ASTN1: variants seen among roughly 807,000 people sequenced by gnomAD.
ASTN1 encodes the protein astrotactin-1.
ASTN1 carries 41 observed loss-of-function variants against 140.7 expected under a neutral mutation model. The observed-to-expected ratio is 0.29, with a 90% CI of 0.23 to 0.38. ASTN1 has a LOEUF of 0.38. Ranked by LOEUF, ASTN1 falls within the 10% of genes least tolerant of loss-of-function variation. The probability of loss-of-function intolerance (pLI) is 1.00; values close to 1 mark genes in which losing one functional copy is unlikely to be tolerated. For synonymous variants in ASTN1, 640 were observed against 652.2 expected (o/e 0.98, Z 0.29); for missense variants, 1,479 against 1,678.8 (o/e 0.88, Z 2.08).
chr1:177,149,695 TAA>T (rs1682939446), intron 1 of ASTN1, among the ~76,000 whole-genome samples: 1 of 68,692 alleles, frequency 1.5e-5, no homozygotes, highest in Non-Finnish European at 2.2e-5. Context: ...ATATACATAG[TAA>T]ATATATATAC....
At chr1:177,026,265 C>T (rs972906210) in intron 5 of ASTN1, among the ~76,000 whole-genome samples, 6 of 152,080 alleles carry the variant, frequency 3.9e-5, no homozygotes, top group South Asian at 2.1e-4. Context: ...TATTTTCCTA[C>T]GCTTACAGGT....
chr1:177,045,109 A>T (rs1320597956), intron 2 of ASTN1, among the ~76,000 whole-genome samples: 3 of 152,114 alleles, frequency 2.0e-5, no homozygotes, highest in African/African-American at 7.2e-5. Flanking sequence ...GTCCCAGCAC[A>T]CATCTATCTC....
chr1:176,941,342 A>G (rs1022206369), intron 14 of ASTN1, among the ~76,000 whole-genome samples: 1 of 152,198 alleles, frequency 6.6e-6, no homozygotes, highest in Non-Finnish European at 1.5e-5. Flanking sequence ...CTTCTTAACA[A>G]AAATAGGTTA....
In ASTN1 at chr1:177,063,640, A is replaced by G. The variant is rs566669748; in HGVS notation, c.284-2375T>C. 3.3e-5 allele frequency among the ~76,000 whole-genome samples: 5 copies of G among 152,182 alleles called. No homozygotes were observed. In the South Asian group the frequency reaches 1.0e-3, roughly 32 times the overall value. On this transcript the variant is annotated intron_variant, in intron 1 of 22. Transcript: ENST00000361833. Reference sequence around the variant, plus strand: ...TCTTCAGAGGAGGCCTGACAATCACAAACTCCATTCCCCACTTGGGCGCTT... The same window carrying G: ...TCTTCAGAGGAGGCCTGACAATCACGAACTCCATTCCCCACTTGGGCGCTT...
chr1:176,992,118 A>C (rs888973912), intron 8 of ASTN1, among the ~76,000 whole-genome samples: 4 of 152,162 alleles, frequency 2.6e-5, no homozygotes, highest in Non-Finnish European at 5.9e-5. Flanking sequence ...AATTCAAAAT[A>C]TCTCACAGTG....
chr1:177,146,604 C>G (rs1571849013), intron 1 of ASTN1, among the ~76,000 whole-genome samples: 3 of 152,160 alleles, frequency 2.0e-5, no homozygotes, highest in Non-Finnish European at 4.4e-5. Context: ...CCATTAATAG[C>G]ATTACTGATT....
chr1:177,010,719 G>A (rs1187391190), intron 8 of ASTN1, among the ~76,000 whole-genome samples: 1 of 152,178 alleles, frequency 6.6e-6, no homozygotes, highest in East Asian at 1.9e-4. Flanking sequence ...GAGTCACCAG[G>A]AAATGATTGC....
At chr1:176,908,694 T>C (rs1290190220) in intron 16 of ASTN1, among the ~76,000 whole-genome samples, 1 of 152,180 alleles carries the variant, frequency 6.6e-6, no homozygotes, top group African/African-American at 2.4e-5. Context: ...TTAAATGGGA[T>C]AATACATGCC....
rs180782656 is a variant in ASTN1 at position 177,008,912 on chromosome 1, G to A, written c.1523+5879C>T. On this transcript the variant is annotated intron_variant, in intron 8 of 22. Transcript: ENST00000361833. ...GCCAGCAAATCTTGTTTGAGAGGTC[G>A]GATGAAGGTGAACGGGACAGCAGTG... Among the ~76,000 whole-genome samples the A allele has an allele frequency of 2.1e-3, 316 of 152,224 alleles. 3 individuals are homozygous for A. The highest frequency in any genetic ancestry group is 6.9e-3 in the African/African-American group (287 of 41,548).
intron 1 of ASTN1, among the ~76,000 whole-genome samples, chr1:177,111,409 A>AT (rs1415703550): frequency 4.0e-5 from 6 of 151,678 alleles, no homozygotes; most frequent in African/African-American, 1.5e-4. Flanking sequence ...GTTAAAATGA[A>AT]TGTCTGATTC....
chr1:177,076,318 A>G (rs2102066246), intron 1 of ASTN1, among the ~76,000 whole-genome samples: 1 of 151,040 alleles, frequency 6.6e-6, no homozygotes, highest in Non-Finnish European at 1.5e-5. Flanking sequence ...AAGAAAAAGA[A>G]AAGAAAGAAA....
rs144445284 is a variant in ASTN1, at chr1:177,162,729, C to T, written c.283+1665G>A. On this transcript the variant is annotated intron_variant, in intron 1 of 22. Transcript: ENST00000361833. ...CTTTAGAAACACATAATTCCCTCTA[C>T]TCACTTTTATATACTATGATGAACA... Among the ~76,000 whole-genome samples the T allele has an allele frequency of 6.0e-3, 916 of 152,278 alleles. 11 individuals are homozygous for T. Among genetic ancestry groups the T allele is most frequent in the African/African-American group, 0.02 (840 of 41,542 alleles).
At chr1:177,118,503 C>A (rs1166219795) in intron 1 of ASTN1, among the ~76,000 whole-genome samples, 1 of 152,046 alleles carries the variant, frequency 6.6e-6, no homozygotes. Flanking sequence ...TCCCTAGAAG[C>A]ATAAAGAAAG....
intron 1 of ASTN1, among the ~76,000 whole-genome samples, chr1:177,086,053 C>T (rs776707391): frequency 6.6e-6 from 1 of 152,108 alleles, no homozygotes; most frequent in Non-Finnish European, 1.5e-5. Flanking sequence ...TTTTATGTTC[C>T]CTGTGGGCCC....
At chr1:177,033,403 A>C (rs1676554588) in intron 2 of ASTN1, among the ~76,000 whole-genome samples, 1 of 152,196 alleles carries the variant, frequency 6.6e-6, no homozygotes, top group African/African-American at 2.4e-5. Context: ...TTAACCACCC[A>C]GGGTGGTTGT....
At chr1:176,967,973 T>C (rs554904985) in intron 8 of ASTN1, among the ~76,000 whole-genome samples, 3 of 151,270 alleles carry the variant, frequency 2.0e-5, no homozygotes, top group Non-Finnish European at 2.9e-5. Flanking sequence ...GGCAGGAGTG[T>C]AGTGTAGACC....
rs73049808 is a variant in ASTN1, at chr1:176,979,059, C to T, written c.1524-13822G>A. On this transcript the variant is annotated intron_variant, in intron 8 of 22. Coordinates refer to ENST00000361833, the MANE Select transcript of ASTN1 (RefSeq NM_004319.3). ...GGGAGTTCGTGAATATATAACCACA[C>T]GTTGAGGAAAGTGCTCTGAAGAAGG... Among the ~76,000 whole-genome samples the T allele has an allele frequency of 9.6e-3, 1,456 of 152,242 alleles. 36 individuals carry two copies. The highest frequency in any genetic ancestry group is 0.033 in the African/African-American group (1,364 of 41,538).
At chr1:177,026,678 C>A (rs1050248190) in intron 5 of ASTN1, among the ~76,000 whole-genome samples, 1 of 152,166 alleles carries the variant, frequency 6.6e-6, no homozygotes, top group African/African-American at 2.4e-5. Flanking sequence ...TTTGTGATTG[C>A]CTGTCTTTGG....
intron 11 of ASTN1, among the ~76,000 whole-genome samples, chr1:176,956,692 C>A (rs916327761): frequency 6.6e-6 from 1 of 152,146 alleles, no homozygotes; most frequent in Admixed American, 6.5e-5. Flanking sequence ...CTCTTGAGGA[C>A]TACATCATTC....
Sources: allele counts gnomAD v4.1 joint callset (sites outside exome capture counted in the v4.1 genomes callset), GRCh38; gene constraint gnomAD v4.1.1; transcripts MANE v1.5; gene names NCBI Gene and HGNC (gene_info 2026-07-23, HGNC 2026-07-21).